Variants in SLC24A1 observed in about 807,000 individuals in gnomAD.
The protein encoded by SLC24A1 is solute carrier family 24 member 1, also known as sodium/potassium/calcium exchanger 1.
In SLC24A1, 52 loss-of-function variants were observed where a neutral mutation model predicts 88.1. The ratio of observed to expected loss-of-function variants is 0.59; its 90% CI spans 0.47 to 0.74. The LOEUF is 0.74. Among genes scored for constraint, SLC24A1 ranks in the 30% least tolerant of loss-of-function variants. The probability of loss-of-function intolerance (pLI) is 0.00; values close to 1 mark genes in which losing one functional copy is unlikely to be tolerated. For missense variants in SLC24A1, 1,173 were observed against 1,363.3 expected (o/e 0.86, Z 2.20); for synonymous variants, 455 against 498.0 (o/e 0.91, Z 1.15).
chr15:65,653,055 T>C (rs2075556941), intron 9 of SLC24A1: 2 of 335,362 alleles, frequency 6.0e-6, no homozygotes, highest in South Asian at 1.8e-4. Flanking sequence ...CAAAGTCCAT[T>C]TCATTCCATT....
At chr15:65,637,285 C>T (rs2074972664) in intron 2 of SLC24A1, among the ~76,000 whole-genome samples, 1 of 143,462 alleles carries the variant, frequency 7.0e-6, no homozygotes, top group African/African-American at 2.6e-5. Flanking sequence ...CCTGAGCACA[C>T]AGCTGATTTT....
At chr15:65,613,962 C>T (rs1350560877) in intron 2 of SLC24A1, among the ~76,000 whole-genome samples, 1 of 152,196 alleles carries the variant, frequency 6.6e-6, no homozygotes, top group Non-Finnish European at 1.5e-5. Flanking sequence ...AGTCTGGAGA[C>T]TGTTCACTCC....
rs760775678 is a variant in SLC24A1, at chr15:65,616,281, C to A, written c.-227-2599C>A. The stretch of plus-strand genomic sequence containing the variant: ...ACTGGGTCAAATGGTATTTCTACTT[C>A]TAGATCCTTGAGGAATCACCACACT... On this transcript the variant is annotated intron_variant, in intron 2 of 11. Coordinates refer to the SLC24A1 transcript ENST00000537259. Among the ~76,000 whole-genome samples the A allele has an allele frequency of 4.6e-5, 7 of 152,300 alleles. No homozygotes were observed. The South Asian group carries it at 1.5e-3, about 32-fold the overall frequency.
chr15:65,641,403 T>C (rs2075125588), intron 4 of SLC24A1, among the ~76,000 whole-genome samples: 1 of 151,652 alleles, frequency 6.6e-6, no homozygotes, highest in Non-Finnish European at 1.5e-5. Context: ...TAAACCATAC[T>C]GTGAAAAGCT....
intron 8 of SLC24A1, 49 bp from the exon 9 acceptor site, chr15:65,652,593 G>C (rs762820021): frequency 8.9e-6 from 14 of 1,571,928 alleles, no homozygotes; most frequent in Non-Finnish European, 1.2e-5. Context: ...GATAGTGCTT[G>C]GATGTGCCTC....
Position 65,650,264 on chromosome 15 carries a change from T to C in SLC24A1, c.2233-118T>C, listed in dbSNP as rs2075450685. 1.3e-6 allele frequency: 1 copy of C among 769,946 alleles called. No homozygotes were observed. Among genetic ancestry groups the C allele is most frequent in the Non-Finnish European group, 2.1e-6 (1 of 477,664 alleles). The allele number at this position is 769,946 out of a possible 1,614,324, so 47.7% of individuals were successfully genotyped here. A position where few individuals can be genotyped will look rare whatever the true frequency, so the allele number is the denominator to read the frequency against. On this transcript the variant is annotated intron_variant, in intron 6 of 9. Coordinates refer to ENST00000261892, the MANE Select transcript of SLC24A1 (RefSeq NM_004727.3). This position sits in a 1 kb window ranked among gnomAD's most constrained non-coding sequence, Gnocchi z 4.1. ...CTGAATTATCGCACTAGTTTTCTCC[T>C]CATACTTAAGTTTTCAGATACCTTC... is the stretch of plus-strand genomic sequence containing the variant.
At chr15:65,641,060 C>CAAATAAAT (rs768767979) in intron 4 of SLC24A1, among the ~76,000 whole-genome samples, 3 of 151,232 alleles carry the variant, frequency 2.0e-5, no homozygotes, top group African/African-American at 7.3e-5. Flanking sequence ...GACTCCACCT[C>CAAATAAAT]AAATAAATAA....
Position 65,650,312 on chromosome 15 carries a change from AT to A in SLC24A1, c.2233-69del. ...TTCTGAGAAGCACGCCAACAAAAAA[AT>A]GGGGGAGTAACATAAGGAAAACAAG... On this transcript the variant is annotated intron_variant, in intron 6 of 9. Coordinates refer to ENST00000261892, the MANE Select transcript of SLC24A1 (RefSeq NM_004727.3). The surrounding 1 kb of genome is among the most constrained non-coding windows in gnomAD (Gnocchi z 4.1). The A allele has an allele frequency of 1.5e-6, 2 of 1,310,590 alleles. No individual in the cohort carries two copies. 81.2% of individuals were successfully genotyped at this position (1,310,590 alleles called of 1,614,324 possible).
intron 4 of SLC24A1, chr15:65,643,066 G>C: frequency 7.8e-7 from 1 of 1,274,642 alleles, no homozygotes; most frequent in Non-Finnish European, 1.0e-6. Flanking sequence ...TGTTGTTGTT[G>C]TTACAGCTAA....
At chr15:65,613,141 G>A (rs1191494751) in intron 2 of SLC24A1, among the ~76,000 whole-genome samples, 2 of 152,282 alleles carry the variant, frequency 1.3e-5, no homozygotes, top group African/African-American at 2.4e-5. Context: ...CAGCATTTGC[G>A]TGTTTCCACA....
In SLC24A1 at chr15:65,651,952, A is replaced by C. The variant is rs550306234; in HGVS notation, c.2883+193A>C. 402 of 610,484 alleles carry C rather than the reference A, an allele frequency of 6.6e-4. 1 individual carries two copies. Among genetic ancestry groups the C allele is most frequent in the South Asian group, 4.1e-3 (264 of 64,114 alleles). The allele number at this position is 610,484 out of a possible 1,614,324, so 37.8% of individuals were successfully genotyped here. A position where few individuals can be genotyped will look rare whatever the true frequency, so the allele number is the denominator to read the frequency against. On this transcript the variant is annotated intron_variant, in intron 8 of 9. Transcript: ENST00000261892. ...GCTTCTCAAGTGTGGCTTTTCTGTC[A>C]TATCCTGTAGCATGGCATAGAAGGC...
At chr15:65,615,825 C>A (rs1050377495) in intron 2 of SLC24A1, among the ~76,000 whole-genome samples, 4 of 151,708 alleles carry the variant, frequency 2.6e-5, no homozygotes, top group Non-Finnish European at 4.4e-5. Flanking sequence ...GTTTGCTGCA[C>A]CCATTGACTC....
intron 1 of SLC24A1, among the ~76,000 whole-genome samples, chr15:65,623,507 C>T (rs2074391090): frequency 6.6e-6 from 1 of 152,220 alleles, no homozygotes; most frequent in Admixed American, 6.5e-5. Context: ...TGGCAATGCC[C>T]TCCACTGCTG....
At chr15:65,611,481 C>A in exon 1 of SLC24A1, 1 of 450,744 alleles carries the variant, frequency 2.2e-6, no homozygotes, top group Non-Finnish European at 4.1e-6. Flanking sequence ...CTCACCTGGC[C>A]CGGTGACTCT....
intron 9 of SLC24A1, chr15:65,653,020 T>C (rs2075556212): frequency 2.5e-6 from 1 of 396,870 alleles, no homozygotes; most frequent in African/African-American, 2.0e-5. Context: ...TGTAACTGAC[T>C]GGAATTTACA....
Position 65,644,509 on chromosome 15 carries a change from AG to A in SLC24A1, c.2137del (p.Glu713LysfsTer109). ...QPQAKAESKP[E>X]EEEPAKLPAV... ...CCCAGGCCAAAGCAGAAAGCAAACC[AG>A]AAGGTGAGAGGATGGCCAGACCAGT... On this transcript the variant is annotated frameshift_variant, in exon 5 of 10. Coordinates refer to ENST00000261892, the MANE Select transcript of SLC24A1 (RefSeq NM_004727.3). LOFTEE classifies it high-confidence loss of function. 6.3e-7 allele frequency: 1 copy of A among 1,578,914 alleles called. No homozygotes were observed. The highest frequency in any genetic ancestry group is 1.2e-5 in the South Asian group (1 of 85,906).
chr15:65,616,163 A>C (rs986138660), intron 2 of SLC24A1, among the ~76,000 whole-genome samples: 2 of 152,010 alleles, frequency 1.3e-5, no homozygotes, highest in Non-Finnish European at 2.9e-5. Flanking sequence ...AGTCTTTGCT[A>C]TTGTGAATAG....
In SLC24A1 at chr15:65,650,463, A is replaced by G. The variant is rs2075457695; in HGVS notation, c.2314A>G (p.Lys772Glu). The G allele has an allele frequency of 6.4e-7, 1 of 1,551,760 alleles. No individual in the cohort carries two copies. The highest frequency in any genetic ancestry group is 1.2e-5 in the South Asian group (1 of 84,062). Residue 772 changes from lysine (K) to glutamate (E), a missense_variant, in exon 7 of 10, where the codon AAA becomes GAA. Physicochemically the swap from Lys to Glu is moderately conservative, Grantham distance 56. Coordinates refer to ENST00000261892, the MANE Select transcript of SLC24A1 (RefSeq NM_004727.3). The surrounding 1 kb of genome is among the most constrained non-coding windows in gnomAD (Gnocchi z 4.1). ...TGCTGGTGAAGGTGAAACTGAAGAG[A>G]AAAGTGGAGGTGAAACTCAACCAGA... ...ETAGEGETEE[K>E]SGGETQPEGE... is the part of the protein sequence containing the mutation.
At chr15:65,626,002 C>A in intron 2 of SLC24A1, 32 bp downstream of exon 2, 1 of 1,518,924 alleles carries the variant, frequency 6.6e-7, no homozygotes, top group Non-Finnish European at 9.1e-7. Flanking sequence ...TTTCTCTAGC[C>A]CCTTTGAGAT....
Sources: allele counts gnomAD v4.1 joint callset (sites outside exome capture counted in the v4.1 genomes callset), GRCh38; gene constraint gnomAD v4.1.1; non-coding constraint Gnocchi (gnomAD v3.1); transcripts MANE v1.5; gene names NCBI Gene and HGNC (gene_info 2026-07-23, HGNC 2026-07-21).